The following SLC9A2 variants were observed in gnomAD, a reference collection of about 807,000 sequenced individuals.
The protein encoded by SLC9A2 is solute carrier family 9 member A2, also known as sodium/hydrogen exchanger 2.
A neutral mutation model predicts 71.7 loss-of-function variants in SLC9A2; 42 were observed. The ratio of observed to expected loss-of-function variants is 0.59; its 90% CI spans 0.46 to 0.76. SLC9A2 has a LOEUF of 0.76. SLC9A2 is among the 30% of genes least tolerant of loss of function. The pLI, the probability that SLC9A2 is intolerant of heterozygous loss-of-function variation, is 0.00. For synonymous variants in SLC9A2, 396 were observed against 392.5 expected (o/e 1.01, Z -0.10); for missense variants, 829 against 1,017.4 (o/e 0.81, Z 2.52).
intron 1 of SLC9A2, among the ~76,000 whole-genome samples, chr2:102,656,717 G>A (rs1427808771): frequency 6.6e-6 from 1 of 152,182 alleles, no homozygotes; most frequent in Non-Finnish European, 1.5e-5. Flanking sequence ...TGCCACAGAT[G>A]AGAGTAGTAA....
intron 1 of SLC9A2, among the ~76,000 whole-genome samples, chr2:102,625,158 C>T (rs1045447522): frequency 1.3e-5 from 2 of 152,158 alleles, no homozygotes; most frequent in African/African-American, 4.8e-5. Flanking sequence ...AAGCCTCCAT[C>T]TTCTCCCAGT....
intron 2 of SLC9A2, among the ~76,000 whole-genome samples, chr2:102,661,232 GC>G (rs1677044142): frequency 6.6e-6 from 1 of 152,172 alleles, no homozygotes. Context: ...TGTTAATGCA[GC>G]CACTGAATAT....
intron 1 of SLC9A2, among the ~76,000 whole-genome samples, chr2:102,656,834 C>G (rs1432604862): frequency 1.3e-5 from 2 of 152,146 alleles, no homozygotes; most frequent in African/African-American, 4.8e-5. Context: ...ACTGCCTTGC[C>G]TACTCATTAG....
intron 1 of SLC9A2, among the ~76,000 whole-genome samples, chr2:102,633,404 C>T (rs761995255): frequency 6.6e-6 from 1 of 152,054 alleles, no homozygotes; most frequent in Non-Finnish European, 1.5e-5. Context: ...CACACTTTAC[C>T]CACTCTTAAC....
In SLC9A2 at chr2:102,701,323, A is replaced by G. The variant is rs945159885; in HGVS notation, c.1748+92A>G. On this transcript the variant is annotated intron_variant, in intron 8 of 11. Transcript: ENST00000233969. ...TAATAATAATTTTAAAAAAATTATTATTAATTGATCCGCCCCCCTCGGCCT... is the reference window on the plus strand; with the variant it reads ...TAATAATAATTTTAAAAAAATTATTGTTAATTGATCCGCCCCCCTCGGCCT... The G allele has an allele frequency of 9.8e-6, 10 of 1,017,778 alleles. No homozygotes were observed. The African/African-American group carries it at 1.3e-4, about 14-fold the overall frequency. 63.0% of individuals were successfully genotyped at this position (1,017,778 alleles called of 1,614,324 possible). A position where few individuals can be genotyped will look rare whatever the true frequency, so the allele number is the denominator to read the frequency against.
At chr2:102,639,276 C>G (rs936030957) in intron 1 of SLC9A2, among the ~76,000 whole-genome samples, 23 of 152,240 alleles carry the variant, frequency 1.5e-4, no homozygotes, top group Non-Finnish European at 3.2e-4. Flanking sequence ...TTCACTCAAC[C>G]ATTTTCCTAT....
At chr2:102,696,677 A>G (rs1677774962) in intron 7 of SLC9A2, among the ~76,000 whole-genome samples, 1 of 152,148 alleles carries the variant, frequency 6.6e-6, no homozygotes, top group Non-Finnish European at 1.5e-5. Flanking sequence ...TGCTAGAACA[A>G]CCTTTACAAG....
chr2:102,707,270 G>A (rs1382280094), intron 11 of SLC9A2, among the ~76,000 whole-genome samples: 1 of 148,228 alleles, frequency 6.7e-6, no homozygotes, highest in Non-Finnish European at 1.5e-5. Context: ...TTCTTTAAAT[G>A]TGGGATGGAA....
chr2:102,619,694 TG>T lies in SLC9A2; in HGVS notation c.-153del. ...TGCTCGCAGCGAGGACCTAGCCCTC[TG>T]GTTGCAGAGACCCGGTGCCGCAGCA... On this transcript the variant is annotated 5_prime_UTR_variant, in exon 1 of 12. Coordinates refer to ENST00000233969, the MANE Select transcript of SLC9A2 (RefSeq NM_003048.6). The surrounding 1 kb of genome is among the most constrained non-coding windows in gnomAD (Gnocchi z 4.3). 1 of 587,908 alleles carries T rather than the reference TG, an allele frequency of 1.7e-6. No individual in the cohort carries two copies. The highest frequency in any genetic ancestry group is 2.7e-6 in the Non-Finnish European group (1 of 370,560). 36.4% of individuals were successfully genotyped at this position (587,908 alleles called of 1,614,324 possible). A position where few individuals can be genotyped will look rare whatever the true frequency, so the allele number is the denominator to read the frequency against.
Position 102,619,820 on chromosome 2 carries a change from G to T in SLC9A2, c.-29G>T. The T allele has an allele frequency of 9.6e-6, 14 of 1,463,844 alleles. No individual in the cohort carries two copies. Among genetic ancestry groups the T allele is most frequent in the Non-Finnish European group, 1.3e-5 (14 of 1,110,212 alleles). The allele number at this position is 1,463,844 out of a possible 1,614,324, so 90.7% of individuals were successfully genotyped here. ...TTGAGCGCTCGGAGGGCCAACCGCC[G>T]GTCCCCTTGGCGGCAACCGGCGGCA... On this transcript the variant is annotated 5_prime_UTR_variant, in exon 1 of 12. Transcript: ENST00000233969. The surrounding 1 kb of genome is among the most constrained non-coding windows in gnomAD (Gnocchi z 4.3).
At chr2:102,642,062 T>TAAC (rs1000152266) in intron 1 of SLC9A2, among the ~76,000 whole-genome samples, 5 of 151,450 alleles carry the variant, frequency 3.3e-5, no homozygotes, top group African/African-American at 1.2e-4. Context: ...ATAATAATAA[T>TAAC]AATAAAGAAA....
At chr2:102,631,674 G>A (rs1355312713) in intron 1 of SLC9A2, among the ~76,000 whole-genome samples, 1 of 151,824 alleles carries the variant, frequency 6.6e-6, no homozygotes, top group East Asian at 1.9e-4. Context: ...TCTATAGAAG[G>A]CCTAATTCTC....
intron 1 of SLC9A2, among the ~76,000 whole-genome samples, chr2:102,640,725 A>G (rs1676558857): frequency 6.6e-6 from 1 of 152,126 alleles, no homozygotes; most frequent in Non-Finnish European, 1.5e-5. Context: ...TAGATAGGTG[A>G]TGGAACTCAA....
intron 3 of SLC9A2, among the ~76,000 whole-genome samples, chr2:102,667,147 T>C (rs972800030): frequency 6.6e-6 from 1 of 152,212 alleles, no homozygotes; most frequent in Non-Finnish European, 1.5e-5. Context: ...AAGCAACGCA[T>C]TAATCTAGTT....
chr2:102,681,571 G>C (rs1361081388), intron 3 of SLC9A2, among the ~76,000 whole-genome samples: 1 of 152,228 alleles, frequency 6.6e-6, no homozygotes, highest in African/African-American at 2.4e-5. Flanking sequence ...AAGTAAAGGT[G>C]CTGTGAAGAT....
intron 9 of SLC9A2, 61 bp from the exon 10 acceptor site, chr2:102,704,483 G>A: frequency 1.3e-6 from 2 of 1,529,084 alleles, no homozygotes; most frequent in Non-Finnish European, 1.8e-6. Flanking sequence ...TGGAATTTCT[G>A]GGGGAAATGA....
At chr2:102,634,272 T>C (rs1465696007) in intron 1 of SLC9A2, among the ~76,000 whole-genome samples, 1 of 152,226 alleles carries the variant, frequency 6.6e-6, no homozygotes, top group Non-Finnish European at 1.5e-5. Context: ...TTGATCACTG[T>C]ACTATAGTGT....
chr2:102,624,129 T>G (rs1324117165), intron 1 of SLC9A2, among the ~76,000 whole-genome samples: 1 of 152,142 alleles, frequency 6.6e-6, no homozygotes, highest in East Asian at 1.9e-4. Flanking sequence ...ATAATGATGG[T>G]GATGATGGTA....
intron 2 of SLC9A2, among the ~76,000 whole-genome samples, chr2:102,661,431 T>A (rs1677047643): frequency 6.6e-6 from 1 of 152,188 alleles, no homozygotes; most frequent in Non-Finnish European, 1.5e-5. Context: ...GGATCTTAAT[T>A]TTGATTTTGC....
Sources: allele counts gnomAD v4.1 joint callset (sites outside exome capture counted in the v4.1 genomes callset), GRCh38; gene constraint gnomAD v4.1.1; non-coding constraint Gnocchi (gnomAD v3.1); transcripts MANE v1.5; gene names NCBI Gene and HGNC (gene_info 2026-07-23, HGNC 2026-07-21).